TAF15: variants seen among roughly 807,000 people sequenced by gnomAD.
The protein encoded by TAF15 is TATA-box binding protein associated factor 15.
In TAF15, 37 loss-of-function variants were observed where a neutral mutation model predicts 102.5. The ratio of observed to expected loss-of-function variants is 0.36; its 90% CI spans 0.28 to 0.47. The LOEUF (loss-of-function observed/expected upper bound fraction) is 0.47, where lower values mean the gene tolerates loss of function less well. Ranked by LOEUF, TAF15 falls within the 20% of genes least tolerant of loss-of-function variation. The pLI, the probability that TAF15 is intolerant of heterozygous loss-of-function variation, is 0.99. For missense variants in TAF15, 652 were observed against 760.7 expected (o/e 0.86, Z 1.68); for synonymous variants, 273 against 259.2 (o/e 1.05, Z -0.51).
In TAF15 at chr17:35,817,821, TCTC is replaced by T. The variant is rs2087212941; in HGVS notation, c.47+67_47+69del. 7.9e-6 allele frequency: 11 copies of T among 1,387,368 alleles called. No individual in the cohort carries two copies. In the East Asian group the frequency reaches 2.5e-4, roughly 32 times the overall value. 85.9% of individuals were successfully genotyped at this position (1,387,368 alleles called of 1,614,324 possible). A position where few individuals can be genotyped will look rare whatever the true frequency, so the allele number is the denominator to read the frequency against. ...CTGAGGTGAATTTTGTCAAGCTTCTTCTCTTGAGACTTGATGCTGGATGTCATA... is the reference window on the plus strand; with the variant it reads ...CTGAGGTGAATTTTGTCAAGCTTCTTTTGAGACTTGATGCTGGATGTCATA... On this transcript the variant is annotated intron_variant, in intron 2 of 15. Coordinates refer to ENST00000605844, the MANE Select transcript of TAF15 (RefSeq NM_139215.3).
intron 7 of TAF15, among the ~76,000 whole-genome samples, chr17:35,825,108 A>G (rs1390000161): frequency 1.3e-5 from 2 of 152,186 alleles, no homozygotes; most frequent in African/African-American, 4.8e-5. Flanking sequence ...CACCTTAGGG[A>G]CCATCTGTCC....
chr17:35,835,605 A>G (rs191849199), intron 9 of TAF15, among the ~76,000 whole-genome samples: 66 of 152,370 alleles, frequency 4.3e-4, no homozygotes, highest in Non-Finnish European at 7.8e-4. Flanking sequence ...TACTAATCCA[A>G]AAGTGTGCAT....
chr17:35,813,529 G>A (rs1481996600), intron 1 of TAF15, among the ~76,000 whole-genome samples: 5 of 152,066 alleles, frequency 3.3e-5, no homozygotes, highest in East Asian at 3.9e-4. Flanking sequence ...CCAGCTACTC[G>A]GGAGGTTGAA....
Position 35,823,266 on chromosome 17 carries a change from G to T in TAF15, c.484+433G>T, listed in dbSNP as rs763610672. Among the ~76,000 whole-genome samples, 6 of 152,172 alleles carry T rather than the reference G, an allele frequency of 3.9e-5. No homozygotes were observed. The East Asian group carries it at 1.2e-3, about 29-fold the overall frequency. ...GAATAGTAAATAGTAAGTGCTTGTT[G>T]AATAATTGAATGAATAAGTAAATAA... is the stretch of plus-strand genomic sequence containing the variant. On this transcript the variant is annotated intron_variant, in intron 6 of 15. Transcript: ENST00000605844.
chr17:35,838,313 T>C, intron 10 of TAF15, 111 bp from the exon 11 acceptor site: 1 of 1,410,758 alleles, frequency 7.1e-7, no homozygotes. Context: ...TAGTATTTTA[T>C]AGTATGAATG....
chr17:35,828,299 A>G (rs1004246968), intron 7 of TAF15, among the ~76,000 whole-genome samples: 4 of 152,266 alleles, frequency 2.6e-5, no homozygotes, highest in African/African-American at 7.2e-5. Context: ...TAGAAATACA[A>G]TGGAGGTCAC....
At chr17:35,838,103 A>G (rs2087498173) in intron 10 of TAF15, among the ~76,000 whole-genome samples, 1 of 152,150 alleles carries the variant, frequency 6.6e-6, no homozygotes, top group Non-Finnish European at 1.5e-5. Flanking sequence ...GGATCACTTA[A>G]GTCCAGGAAT....
At chr17:35,840,008 A>G (rs905401269) in intron 11 of TAF15, among the ~76,000 whole-genome samples, 1 of 152,066 alleles carries the variant, frequency 6.6e-6, no homozygotes, top group East Asian at 1.9e-4. Flanking sequence ...CTTCATAATA[A>G]TCTTATGAGA....
intron 5 of TAF15, among the ~76,000 whole-genome samples, chr17:35,820,840 C>T (rs562344811): frequency 2.0e-5 from 3 of 152,028 alleles, no homozygotes; most frequent in African/African-American, 7.2e-5. Context: ...TCAAAACTTA[C>T]GCATATATCA....
intron 10 of TAF15, among the ~76,000 whole-genome samples, 194 bp downstream of exon 10, chr17:35,836,435 C>CTT (rs527618370): frequency 7.5e-4 from 114 of 152,282 alleles, no homozygotes; most frequent in African/African-American, 2.6e-3. Context: ...TTGTGTTTAC[C>CTT]TTTCCACAGT....
chr17:35,835,202 G>A (rs1015139882), intron 9 of TAF15, among the ~76,000 whole-genome samples: 1 of 152,062 alleles, frequency 6.6e-6, no homozygotes, highest in African/African-American at 2.4e-5. Flanking sequence ...TAAAATTATT[G>A]CAAATCAGAT....
chr17:35,810,028 G>T (rs2087106782), intron 1 of TAF15: 1 of 298,736 alleles, frequency 3.3e-6, no homozygotes, highest in Non-Finnish European at 6.5e-6. Context: ...CATCCTCGAA[G>T]TGGAGCTGGG....
intron 9 of TAF15, 44 bp downstream of exon 9, chr17:35,834,642 TA>T: frequency 1.3e-6 from 2 of 1,599,762 alleles, no homozygotes; most frequent in Non-Finnish European, 1.7e-6. Context: ...AAGAAAATGT[TA>T]GTTTTTTTTT....
chr17:35,817,417 A>G lies in TAF15; in HGVS notation c.8-299A>G, dbSNP rs1044372912. 1.1e-5 allele frequency: 4 copies of G among 364,944 alleles called. No homozygotes were observed. The Admixed American group carries it at 1.2e-4, about 11-fold the overall frequency. The allele number at this position is 364,944 out of a possible 1,614,324, so 22.6% of individuals were successfully genotyped here. On this transcript the variant is annotated intron_variant, in intron 1 of 15. Coordinates refer to ENST00000605844, the MANE Select transcript of TAF15 (RefSeq NM_139215.3). ...TTTAACAGATGTCTTTTTGTATATA[A>G]TAATATTGCTTAAGGTCTTGAGTCT...
chr17:35,813,645 G>A (rs4572457), intron 1 of TAF15, among the ~76,000 whole-genome samples: 11,736 of 52,740 alleles, frequency 0.22, 783 homozygotes, highest in Middle Eastern at 0.47. Context: ...CCCCCCCCCC[G>A]CAAAAAAAGA....
chr17:35,823,141 G>A (rs572758703), intron 6 of TAF15, among the ~76,000 whole-genome samples: 9 of 152,100 alleles, frequency 5.9e-5, no homozygotes, highest in Non-Finnish European at 1.2e-4. Context: ...TTGATTTGGG[G>A]TACTTATTTA....
chr17:35,824,315 G>A, intron 7 of TAF15, 117 bp downstream of exon 7: 1 of 1,352,688 alleles, frequency 7.4e-7, no homozygotes, highest in South Asian at 1.3e-5. Context: ...CTTTAAAAAG[G>A]GATTATATAT....
intron 7 of TAF15, among the ~76,000 whole-genome samples, chr17:35,832,751 C>G (rs987554147): frequency 1.3e-5 from 2 of 151,716 alleles, no homozygotes; most frequent in African/African-American, 4.9e-5. Flanking sequence ...TTAAGAGAAA[C>G]AAGCTTTTAT....
In TAF15 at chr17:35,822,707, T is replaced by A; in HGVS notation, c.358T>A (p.Ser120Thr). 1.9e-6 allele frequency: 3 copies of A among 1,614,188 alleles called. No homozygotes were observed. The highest frequency in any genetic ancestry group is 2.5e-6 in the Non-Finnish European group (3 of 1,180,034). ...YGQQDSYDQQ[S>T]GYDQHQGSYD... is the part of the protein sequence containing the mutation. Reference sequence around the variant, plus strand: ...TCAACAAGATTCATATGACCAGCAGTCAGGCTATGATCAACATCAAGGCTC... The same window carrying A: ...TCAACAAGATTCATATGACCAGCAGACAGGCTATGATCAACATCAAGGCTC... Residue 120 changes from serine to threonine, a missense_variant, in exon 6 of 16, where the codon TCA becomes ACA. Ser to Thr is a moderately conservative substitution (Grantham distance 58). Coordinates refer to ENST00000605844, the MANE Select transcript of TAF15 (RefSeq NM_139215.3).
Sources: allele counts gnomAD v4.1 joint callset (sites outside exome capture counted in the v4.1 genomes callset), GRCh38; gene constraint gnomAD v4.1.1; transcripts MANE v1.5; gene names NCBI Gene and HGNC (gene_info 2026-07-23, HGNC 2026-07-21).